RPS6KC1: variants seen among roughly 807,000 people sequenced by gnomAD.
RPS6KC1 encodes inactive ribosomal protein S6 kinase delta-1.
Under a neutral mutation model 103.8 loss-of-function variants are expected in RPS6KC1, and 54 were observed. That is an observed-to-expected ratio of 0.52 (90% CI 0.42 to 0.65). The LOEUF is 0.65. Ranked by LOEUF, RPS6KC1 falls within the 30% of genes least tolerant of loss-of-function variation. RPS6KC1 has a pLI of 0.00. For missense variants in RPS6KC1, 1,151 were observed against 1,253.8 expected (o/e 0.92, Z 1.24); for synonymous variants, 439 against 438.7 (o/e 1.00, Z -0.01).
chr1:213,052,153 C>T (rs1354975247), intron 1 of RPS6KC1, among the ~76,000 whole-genome samples: 1 of 152,132 alleles, frequency 6.6e-6, no homozygotes, highest in Non-Finnish European at 1.5e-5. Context: ...ATTTTTAGTA[C>T]CCACTTTATG....
At chr1:213,562,765 G>A in the RPS6KC1 span, among the ~76,000 whole-genome samples, 1 of 152,098 alleles carries the variant, frequency 6.6e-6, no homozygotes, top group Admixed American at 6.6e-5. Context: ...CTGGGCACAG[G>A]CGATCCTCCC....
chr1:213,230,885 A>G (rs1347264632), intron 9 of RPS6KC1, among the ~76,000 whole-genome samples: 2 of 151,832 alleles, frequency 1.3e-5, no homozygotes, highest in Non-Finnish European at 2.9e-5. Flanking sequence ...TGTTTAATGA[A>G]TTTAAAATTT....
the RPS6KC1 span, among the ~76,000 whole-genome samples, chr1:213,548,707 A>C: frequency 4.6e-5 from 7 of 152,142 alleles, no homozygotes; most frequent in Admixed American, 2.6e-4. Context: ...TAAAACATGG[A>C]TAATGGAGTA....
the RPS6KC1 span, among the ~76,000 whole-genome samples, chr1:213,551,632 A>T: frequency 6.6e-6 from 1 of 152,354 alleles, no homozygotes; most frequent in African/African-American, 2.4e-5. Flanking sequence ...CGACACAGGC[A>T]CTACCTCCCC....
chr1:213,630,394 G>A, the RPS6KC1 span, among the ~76,000 whole-genome samples: 60,482 of 152,012 alleles, frequency 0.4, 13,297 homozygotes, highest in East Asian at 0.59. Context: ...TTCTGCATTC[G>A]TCATGTAGTT....
intron 14 of RPS6KC1, among the ~76,000 whole-genome samples, chr1:213,265,886 CAG>C (rs2094900629): frequency 6.6e-6 from 1 of 152,336 alleles, no homozygotes; most frequent in East Asian, 1.9e-4. Context: ...ATTCTGGAAT[CAG>C]AATGCTTGAA....
At chr1:213,449,348 C>T in the RPS6KC1 span, among the ~76,000 whole-genome samples, 2 of 152,200 alleles carry the variant, frequency 1.3e-5, no homozygotes, top group African/African-American at 4.8e-5. Context: ...AAACAACTGA[C>T]ATTTATTTTC....
chr1:213,487,993 T>C, the RPS6KC1 span, among the ~76,000 whole-genome samples: 1 of 152,232 alleles, frequency 6.6e-6, no homozygotes, highest in Non-Finnish European at 1.5e-5. Flanking sequence ...ATTCTATTAA[T>C]CCTTAGGTTT....
chr1:213,250,190 G>A (rs1018465906), intron 12 of RPS6KC1, among the ~76,000 whole-genome samples: 1 of 152,210 alleles, frequency 6.6e-6, no homozygotes, highest in South Asian at 2.1e-4. Flanking sequence ...AAGCGAATGC[G>A]TATTAGGGTG....
chr1:213,500,031 A>G, the RPS6KC1 span, among the ~76,000 whole-genome samples: 1 of 152,194 alleles, frequency 6.6e-6, no homozygotes, highest in African/African-American at 2.4e-5. Context: ...AGGACTATAC[A>G]CTTAGGCTAA....
chr1:213,507,853 A>T, the RPS6KC1 span, among the ~76,000 whole-genome samples: 1 of 152,190 alleles, frequency 6.6e-6, no homozygotes, highest in African/African-American at 2.4e-5. Context: ...ACAGCAAATA[A>T]AAGTGTTGCT....
the RPS6KC1 span, among the ~76,000 whole-genome samples, chr1:213,308,897 A>T: frequency 1.3e-5 from 2 of 152,172 alleles, no homozygotes; most frequent in African/African-American, 4.8e-5. Flanking sequence ...CTTGCAGAAG[A>T]CCTCAGCTTT....
the RPS6KC1 span, among the ~76,000 whole-genome samples, chr1:213,854,544 C>CTTTT: frequency 3.8e-5 from 4 of 106,624 alleles, no homozygotes; most frequent in South Asian, 3.3e-4. Context: ...TTCTTTCTTT[C>CTTTT]TTTCTTTCTT....
the RPS6KC1 span, among the ~76,000 whole-genome samples, chr1:213,657,845 C>T: frequency 6.6e-6 from 1 of 152,172 alleles, no homozygotes; most frequent in Non-Finnish European, 1.5e-5. Flanking sequence ...TGAAAGCCTG[C>T]TAATTCTAGG....
At chr1:213,099,687 GAACTTTTTCTA>G (rs2081836509) in intron 3 of RPS6KC1, among the ~76,000 whole-genome samples, 1 of 152,058 alleles carries the variant, frequency 6.6e-6, no homozygotes. Context: ...TACCCAGAAG[GAACTTTTTCTA>G]CTATATATTA....
chr1:213,443,820 A>G, the RPS6KC1 span, among the ~76,000 whole-genome samples: 1 of 152,034 alleles, frequency 6.6e-6, no homozygotes, highest in Non-Finnish European at 1.5e-5. Context: ...GGGGAGGCTG[A>G]GGTGGGAGGA....
intron 6 of RPS6KC1, among the ~76,000 whole-genome samples, chr1:213,150,665 G>T (rs1001825037): frequency 3.9e-4 from 59 of 151,934 alleles, no homozygotes; most frequent in African/African-American, 1.4e-3. Context: ...CAAGGCAGAA[G>T]AATTTTTCTT....
At chr1:213,772,066 C>T in the RPS6KC1 span, among the ~76,000 whole-genome samples, 1 of 152,176 alleles carries the variant, frequency 6.6e-6, no homozygotes, top group Non-Finnish European at 1.5e-5. Flanking sequence ...ATTAGAGTGA[C>T]ACTTCTATTG....
Position 213,185,875 on chromosome 1 carries a change from T to C in RPS6KC1, c.1044+9383T>C, listed in dbSNP as rs1390789543. 2.0e-5 allele frequency among the ~76,000 whole-genome samples: 3 copies of C among 151,978 alleles called. No homozygotes were observed. In the East Asian group the frequency reaches 5.8e-4, roughly 29 times the overall value. The stretch of plus-strand genomic sequence containing the variant: ...GCTTTTTATTTTAGGGAGTGTCTTA[T>C]GGGTTTTGTGCTGTGGTTGCCAGTT... On this transcript the variant is annotated intron_variant, in intron 8 of 14. Coordinates refer to ENST00000366960, the MANE Select transcript of RPS6KC1 (RefSeq NM_012424.6).
Sources: allele counts gnomAD v4.1 joint callset (sites outside exome capture counted in the v4.1 genomes callset), GRCh38; gene constraint gnomAD v4.1.1; transcripts MANE v1.5; gene names NCBI Gene and HGNC (gene_info 2026-07-23, HGNC 2026-07-21).